Variants in PCCA observed in about 807,000 individuals in gnomAD.
PCCA encodes the protein propionyl-CoA carboxylase subunit alpha.
PCCA carries 74 observed loss-of-function variants against 101.3 expected under a neutral mutation model. That is an observed-to-expected ratio of 0.73 (90% CI 0.61 to 0.89). The LOEUF (loss-of-function observed/expected upper bound fraction) is 0.89, where lower values mean the gene tolerates loss of function less well. Ranked by LOEUF, PCCA falls within the 40% of genes least tolerant of loss-of-function variation. The pLI is 0.00. For synonymous variants in PCCA, 294 were observed against 313.6 expected (o/e 0.94, Z 0.66); for missense variants, 891 against 907.0 (o/e 0.98, Z 0.23).
At chr13:100,462,614 T>C (rs1469854889) in intron 21 of PCCA, among the ~76,000 whole-genome samples, 1 of 152,206 alleles carries the variant, frequency 6.6e-6, no homozygotes, top group African/African-American at 2.4e-5. Context: ...GTTAAGAATT[T>C]GCATTTTATT....
At chr13:100,300,887 G>T (rs898625872) in intron 12 of PCCA, among the ~76,000 whole-genome samples, 7 of 152,204 alleles carry the variant, frequency 4.6e-5, no homozygotes, top group African/African-American at 1.7e-4. Flanking sequence ...TTGCAATTGT[G>T]CATGCTAAGC....
chr13:100,458,565 T>C (rs2081963938), intron 21 of PCCA, among the ~76,000 whole-genome samples: 1 of 150,382 alleles, frequency 6.6e-6, no homozygotes, highest in Non-Finnish European at 1.5e-5. Context: ...AGCCCAAGAG[T>C]TCAAGGCTAT....
intron 7 of PCCA, among the ~76,000 whole-genome samples, chr13:100,220,807 C>A (rs1310816047): frequency 6.6e-6 from 1 of 152,224 alleles, no homozygotes; most frequent in East Asian, 1.9e-4. Flanking sequence ...CAGACTTAGT[C>A]TGAGCCAAAC....
chr13:100,338,158 A>G (rs532181781), intron 17 of PCCA, among the ~76,000 whole-genome samples: 16 of 152,324 alleles, frequency 1.1e-4, no homozygotes, highest in African/African-American at 3.8e-4. Flanking sequence ...GGTGAAGTGC[A>G]CACAGCATCT....
chr13:100,254,236 C>T (rs1277281109), intron 8 of PCCA, among the ~76,000 whole-genome samples: 1 of 152,174 alleles, frequency 6.6e-6, no homozygotes, highest in Non-Finnish European at 1.5e-5. Flanking sequence ...CACCTCCCGC[C>T]AGGTCCCTCC....
chr13:100,183,338 C>A (rs1034332550), intron 6 of PCCA, among the ~76,000 whole-genome samples: 2 of 152,134 alleles, frequency 1.3e-5, no homozygotes, highest in African/African-American at 2.4e-5. Flanking sequence ...CTGGAAAGAC[C>A]TTGAAACTTA....
intron 21 of PCCA, among the ~76,000 whole-genome samples, chr13:100,482,837 A>G (rs992095487): frequency 3.3e-5 from 5 of 152,218 alleles, no homozygotes; most frequent in South Asian, 2.1e-4. Flanking sequence ...CCTGGCTAAC[A>G]TGGATATAAC....
chr13:100,194,149 T>C (rs2057939495), intron 6 of PCCA, among the ~76,000 whole-genome samples: 1 of 152,078 alleles, frequency 6.6e-6, no homozygotes, highest in Non-Finnish European at 1.5e-5. Context: ...TAATGTAGGC[T>C]ATAGTAAAAC....
At chr13:100,304,981 G>A (rs2066341692) in intron 14 of PCCA, among the ~76,000 whole-genome samples, 1 of 152,018 alleles carries the variant, frequency 6.6e-6, no homozygotes, top group Non-Finnish European at 1.5e-5. Flanking sequence ...CAGAAATTTG[G>A]TTCTGATTTC....
intron 19 of PCCA, among the ~76,000 whole-genome samples, chr13:100,376,744 G>T (rs1039075884): frequency 6.6e-6 from 1 of 152,190 alleles, no homozygotes; most frequent in Non-Finnish European, 1.5e-5. Flanking sequence ...GCTGGGCTCC[G>T]TGGGGCTGGG....
At chr13:100,418,131 G>A (rs977915878) in intron 19 of PCCA, among the ~76,000 whole-genome samples, 8 of 151,946 alleles carry the variant, frequency 5.3e-5, no homozygotes, top group African/African-American at 1.9e-4. Context: ...CCAATCCCTG[G>A]CCTGGCATTA....
intron 11 of PCCA, among the ~76,000 whole-genome samples, chr13:100,271,971 A>G (rs1034456452): frequency 6.6e-6 from 1 of 152,242 alleles, no homozygotes; most frequent in Non-Finnish European, 1.5e-5. Context: ...CTTTTATAGC[A>G]TGTCATCTCA....
At chr13:100,473,093 T>G (rs2083144093) in intron 21 of PCCA, 1 of 152,138 alleles carries the variant, frequency 6.6e-6, no homozygotes, top group South Asian at 2.1e-4. Flanking sequence ...ATGGAATAAT[T>G]AGGAAACTCA....
At chr13:100,372,224 C>T (rs150312224) in intron 19 of PCCA, among the ~76,000 whole-genome samples, 1 of 152,218 alleles carries the variant, frequency 6.6e-6, no homozygotes, top group Non-Finnish European at 1.5e-5. Context: ...GCATGGCACA[C>T]ACCTGTAATC....
chr13:100,494,762 C>T (rs750594132), intron 21 of PCCA, among the ~76,000 whole-genome samples: 1 of 152,124 alleles, frequency 6.6e-6, no homozygotes, highest in Admixed American at 6.5e-5. Flanking sequence ...GAAGACTCTG[C>T]CCGGCCCGCT....
chr13:100,203,932 A>G (rs1016304658), intron 6 of PCCA, among the ~76,000 whole-genome samples: 4 of 152,158 alleles, frequency 2.6e-5, no homozygotes, highest in African/African-American at 7.2e-5. Context: ...TGACATCACT[A>G]TATTCAGTGG....
At chr13:100,284,747 TGC>T (rs1417581664) in intron 12 of PCCA, among the ~76,000 whole-genome samples, 2 of 152,218 alleles carry the variant, frequency 1.3e-5, no homozygotes, top group Non-Finnish European at 1.5e-5. Flanking sequence ...TATATTTCCC[TGC>T]ACTCTGATTC....
At chr13:100,420,404 C>A (rs931435599) in intron 19 of PCCA, among the ~76,000 whole-genome samples, 1 of 152,104 alleles carries the variant, frequency 6.6e-6, no homozygotes, top group Non-Finnish European at 1.5e-5. Context: ...GAGAACCTGT[C>A]TCTCCAAAAT....
intron 4 of PCCA, among the ~76,000 whole-genome samples, chr13:100,123,820 T>C (rs1321155191): frequency 6.6e-6 from 1 of 152,168 alleles, no homozygotes; most frequent in Non-Finnish European, 1.5e-5. Context: ...TTTTGAGTTG[T>C]TAAAGAGGGT....
Sources: allele counts gnomAD v4.1 joint callset (sites outside exome capture counted in the v4.1 genomes callset), GRCh38; gene constraint gnomAD v4.1.1; transcripts MANE v1.5; gene names NCBI Gene and HGNC (gene_info 2026-07-23, HGNC 2026-07-21).